The following SKA2 variants were observed in gnomAD, a reference collection of about 807,000 sequenced individuals.
SKA2 encodes spindle and kinetochore-associated protein 2.
Under a neutral mutation model 16.9 loss-of-function variants are expected in SKA2, and 13 were observed. That is an observed-to-expected ratio of 0.77 (90% CI 0.50 to 1.22). The LOEUF (loss-of-function observed/expected upper bound fraction) is 1.22, where lower values mean the gene tolerates loss of function less well. Ranked by LOEUF, SKA2 falls within the 50% of genes most tolerant of loss-of-function variation. SKA2 has a pLI of 0.00. For missense variants in SKA2, 107 were observed against 139.7 expected, an observed-to-expected ratio of 0.77 and a Z score of 1.18; for synonymous variants, 47 against 48.5, an observed-to-expected ratio of 0.97 and a Z score of 0.13.
intron 2 of SKA2, among the ~76,000 whole-genome samples, chr17:59,129,815 C>A (rs559641751): frequency 2.7e-5 from 4 of 148,476 alleles, no homozygotes; most frequent in African/African-American, 7.4e-5. Context: ...AGATCACACC[C>A]CTGAACTCCA....
At position 59,155,018 on chromosome 17, in the gene SKA2, T is replaced by A. The variant is rs552595435; in HGVS notation, c.33+113A>T. 19 of 1,613,964 alleles carry A rather than the reference T, an allele frequency of 1.2e-5. No individual in the cohort carries two copies. In the East Asian group the frequency reaches 4.0e-4, roughly 34 times the overall value. Reference sequence around the variant, plus strand: ...TTGGTGCAGGAGGAGGGAACTCGACTCTGGTCCAGCCTCCGCCGCCCGGAG... The same window carrying A: ...TTGGTGCAGGAGGAGGGAACTCGACACTGGTCCAGCCTCCGCCGCCCGGAG... On this transcript the variant is annotated intron_variant, in intron 1 of 3. Coordinates refer to ENST00000330137, the MANE Select transcript of SKA2 (RefSeq NM_182620.4).
At chr17:59,122,995 C>A in intron 2 of SKA2, among the ~76,000 whole-genome samples, 1 of 141,606 alleles carries the variant, frequency 7.1e-6, no homozygotes, top group African/African-American at 2.7e-5. Context: ...GCACTCCAGC[C>A]TGGGCGGCAG....
intron 1 of SKA2, among the ~76,000 whole-genome samples, chr17:59,135,195 T>A (rs1297040079): frequency 1.3e-5 from 2 of 152,056 alleles, no homozygotes; most frequent in Non-Finnish European, 2.9e-5. Flanking sequence ...CAAAATGTGT[T>A]AACCATCAAA....
At chr17:59,124,164 T>G (rs1426917394) in intron 2 of SKA2, 1 of 152,168 alleles carries the variant, frequency 6.6e-6, no homozygotes, top group Non-Finnish European at 1.5e-5. Flanking sequence ...GCCGGGGTGG[T>G]GACTCACATC....
intron 1 of SKA2, among the ~76,000 whole-genome samples, chr17:59,138,076 A>G (rs931277328): frequency 6.6e-6 from 1 of 152,136 alleles, no homozygotes; most frequent in African/African-American, 2.4e-5. Context: ...AAATAAAACT[A>G]GTGATTTTTG....
chr17:59,128,033 T>C (rs2046383413), intron 2 of SKA2, among the ~76,000 whole-genome samples: 1 of 151,342 alleles, frequency 6.6e-6, no homozygotes, highest in Non-Finnish European at 1.5e-5. Context: ...CTGGCCAACA[T>C]GGTGAAACCC....
chr17:59,137,451 T>C (rs539862961), intron 1 of SKA2, among the ~76,000 whole-genome samples: 1 of 152,318 alleles, frequency 6.6e-6, no homozygotes, highest in East Asian at 1.9e-4. Flanking sequence ...AATAAAAGAA[T>C]TCGGATACAT....
chr17:59,121,321 C>G (rs1413413142), intron 2 of SKA2, among the ~76,000 whole-genome samples: 1 of 151,758 alleles, frequency 6.6e-6, no homozygotes, highest in Non-Finnish European at 1.5e-5. Flanking sequence ...TGATACAACA[C>G]AGGAATAAAA....
chr17:59,119,387 G>A lies in SKA2; in HGVS notation c.229C>T (p.Arg77Cys), dbSNP rs1452932441. ...GTCTTTTTCACAGTAGCACAAATGC[G>A]GCTCTTACTCTCTTTCTGCTCAACA... ...VAVEQKESKS[R>C]ICATVKKTMN... The change falls in exon 3 of 4, where the codon CGC becomes TGC. Residue 77 changes from arginine to cysteine, a missense_variant. By Grantham distance (180) the Arg-to-Cys change is radical. Transcript: ENST00000330137. The A allele has an allele frequency of 6.2e-6, 10 of 1,613,764 alleles. No individual in the cohort carries two copies. The highest frequency in any genetic ancestry group is 1.6e-4 in the Middle Eastern group (1 of 6,084).
intron 1 of SKA2, among the ~76,000 whole-genome samples, chr17:59,148,808 C>CAAAAAAAAAAAAAAAAAAAAAAAAAAAA: frequency 2.1e-5 from 1 of 47,582 alleles, no homozygotes; most frequent in Non-Finnish European, 4.0e-5. Flanking sequence ...GACCCTGTCT[C>CAAAAAAAAAAAAAAAAAAAAAAAAAAAA]AAAAAAAAAA....
chr17:59,125,235 C>T (rs1428012745), intron 2 of SKA2, among the ~76,000 whole-genome samples: 3 of 149,716 alleles, frequency 2.0e-5, no homozygotes, highest in Non-Finnish European at 4.4e-5. Flanking sequence ...AGGTGATCCA[C>T]CCGCCTTGGC....
rs1467378676 is a variant in SKA2, at chr17:59,111,705, A to G, written c.*572T>C. ...GCAGGCAAGGGAAATAGGGAAAGAA[A>G]TACGCAAACGTGGCTATCACAGAAA... On this transcript the variant is annotated 3_prime_UTR_variant, in exon 4 of 4. Coordinates refer to ENST00000330137, the MANE Select transcript of SKA2 (RefSeq NM_182620.4). The G allele has an allele frequency of 2.0e-5, 3 of 152,486 alleles. No individual in the cohort carries two copies. In the East Asian group the frequency reaches 5.8e-4, roughly 29 times the overall value. The allele number at this position is 152,486 out of a possible 1,614,324, so 9.4% of individuals were successfully genotyped here.
intron 3 of SKA2, among the ~76,000 whole-genome samples, chr17:59,118,964 T>C (rs1001900240): frequency 2.0e-5 from 3 of 152,192 alleles, no homozygotes; most frequent in Non-Finnish European, 2.9e-5. Flanking sequence ...TTTTCTGCCA[T>C]GTCCAGACAC....
At chr17:59,142,635 A>G (rs1230582460) in intron 1 of SKA2, among the ~76,000 whole-genome samples, 1 of 151,144 alleles carries the variant, frequency 6.6e-6, no homozygotes, top group Non-Finnish European at 1.5e-5. Flanking sequence ...TTAAAAAAAA[A>G]GAGAGACAGG....
At chr17:59,150,678 G>T (rs1269446370) in intron 1 of SKA2, among the ~76,000 whole-genome samples, 1 of 152,102 alleles carries the variant, frequency 6.6e-6, no homozygotes, top group Non-Finnish European at 1.5e-5. Context: ...GGAGTACAAG[G>T]CTGCAGTGAG....
At chr17:59,130,046 G>A (rs1409305123) in intron 2 of SKA2, among the ~76,000 whole-genome samples, 2 of 134,270 alleles carry the variant, frequency 1.5e-5, no homozygotes, top group African/African-American at 5.4e-5. Context: ...AGGCGGGGGG[G>A]AGAGAGAGAA....
intron 1 of SKA2, among the ~76,000 whole-genome samples, chr17:59,147,755 T>G (rs2046544670): frequency 6.6e-6 from 1 of 150,954 alleles, no homozygotes; most frequent in African/African-American, 2.4e-5. Flanking sequence ...TGAGCCACCG[T>G]GCCTGGCCTT....
At chr17:59,113,870 A>G (rs1465062216) in intron 3 of SKA2, among the ~76,000 whole-genome samples, 1 of 152,228 alleles carries the variant, frequency 6.6e-6, no homozygotes, top group East Asian at 1.9e-4. Context: ...TCATTCCACA[A>G]TAACTTCAGA....
Position 59,155,165 on chromosome 17 carries a change from T to C in SKA2, c.-2A>G. ...CAGCTTATCGACCTCCGCCTCCATG[T>C]TGAATAGTTGACATTCCGCAGACCG... On this transcript the variant is annotated 5_prime_UTR_variant, in exon 1 of 4. Coordinates refer to ENST00000330137, the MANE Select transcript of SKA2 (RefSeq NM_182620.4). 3 of 1,614,034 alleles carry C rather than the reference T, an allele frequency of 1.9e-6. No individual in the cohort carries two copies. The African/African-American group carries it at 4.0e-5, about 22-fold the overall frequency.
Sources: gnomAD v4.1 joint callset for allele counts (sites outside exome capture counted in the v4.1 genomes callset) on GRCh38, gnomAD v4.1.1 for gene constraint, MANE v1.5 for transcripts, NCBI Gene and HGNC (gene_info 2026-07-23, HGNC 2026-07-21) for gene names.